ALMS1: variants seen among roughly 807,000 people sequenced by gnomAD.
The protein encoded by ALMS1 is centrosome-associated protein ALMS1.
ALMS1 carries 271 observed loss-of-function variants against 352.2 expected under a neutral mutation model. The observed-to-expected ratio is 0.77, with a 90% CI of 0.70 to 0.85. The LOEUF (loss-of-function observed/expected upper bound fraction) is 0.85. Among genes scored for constraint, ALMS1 ranks in the 40% least tolerant of loss-of-function variants. The pLI, the probability that ALMS1 is intolerant of heterozygous loss-of-function variation, is 0.00. For missense variants in ALMS1, 5,445 were observed against 4,870.7 expected, an observed-to-expected ratio of 1.12 and a Z score of -3.51; for synonymous variants, 1,865 against 1,761.2, an observed-to-expected ratio of 1.06 and a Z score of -1.48.
chr2:73,554,112 T>G (rs1463799481), intron 13 of ALMS1, among the ~76,000 whole-genome samples: 1 of 152,112 alleles, frequency 6.6e-6, no homozygotes, highest in East Asian at 1.9e-4. Context: ...ATTGTTATTT[T>G]TATTAAATCA....
At chr2:73,454,323 T>C in intron 8 of ALMS1, 2 of 985,132 alleles carry the variant, frequency 2.0e-6, no homozygotes, top group Non-Finnish European at 2.4e-6. Context: ...CCAGCCTGAG[T>C]TTACGTTCTT....
rs752454047 is a variant in ALMS1, at chr2:73,550,447, T to C, written c.10078+10T>C. On this transcript the variant is annotated intron_variant, in intron 13 of 22. Transcript: ENST00000613296. ...CAGAATGAAAATGCAGGTAACTGGA[T>C]TGGCTTTGTATACTTTGTAGCTTTT... 3.3e-5 allele frequency: 53 copies of C among 1,613,906 alleles called. No homozygotes were observed. The highest frequency in any genetic ancestry group is 4.4e-5 in the Non-Finnish European group (52 of 1,179,948).
Position 73,451,813 on chromosome 2 carries a change from A to T in ALMS1, c.5286A>T (p.Thr1762=). The change falls in exon 8 of 23, where the codon ACA becomes ACT. Residue 1762 remains threonine, a synonymous_variant. Transcript: ENST00000613296. ...STVTSSFYSH[T]EKPNISYQQE... ...TAACTTCCTCTTTCTATTCACATAC[A>T]GAGAAGCCTAATATTTCTTACCAGC... The T allele has an allele frequency of 6.2e-7, 1 of 1,614,070 alleles. No individual in the cohort carries two copies. The highest frequency in any genetic ancestry group is 8.5e-7 in the Non-Finnish European group (1 of 1,179,994).
intron 2 of ALMS1, among the ~76,000 whole-genome samples, chr2:73,414,004 T>A (rs1292221720): frequency 6.6e-6 from 1 of 152,196 alleles, no homozygotes; most frequent in African/African-American, 2.4e-5. Flanking sequence ...TTATTTCAGA[T>A]TCTTGGAATT....
intron 9 of ALMS1, among the ~76,000 whole-genome samples, chr2:73,476,584 T>G (rs780392): frequency 0.94 from 142,889 of 151,868 alleles, 67,249 homozygotes; most frequent in East Asian, 1. Flanking sequence ...TTTTTTGTTT[T>G]TTTTTTTCCT....
chr2:73,489,558 T>A, intron 9 of ALMS1, 76 bp from the exon 10 acceptor site: 1 of 1,551,016 alleles, frequency 6.4e-7, no homozygotes, highest in Non-Finnish European at 8.9e-7. Context: ...GGTATAAAAC[T>A]GATTTGTATA....
intron 16 of ALMS1, among the ~76,000 whole-genome samples, chr2:73,582,378 A>G (rs1309294954): frequency 1.3e-5 from 2 of 152,198 alleles, no homozygotes; most frequent in Non-Finnish European, 2.9e-5. Flanking sequence ...TGTGCGTGGT[A>G]AAAAACACAT....
intron 12 of ALMS1, among the ~76,000 whole-genome samples, chr2:73,548,789 T>C (rs1012265425): frequency 6.6e-6 from 1 of 152,224 alleles, no homozygotes; most frequent in African/African-American, 2.4e-5. Context: ...ACATTATTTG[T>C]TGGTCATCAG....
At position 73,534,787 on chromosome 2, in the gene ALMS1, T is replaced by G. The variant is rs187728558; in HGVS notation, c.9782-37T>G. On this transcript the variant is annotated intron_variant, in intron 11 of 22. Transcript: ENST00000613296. ...TATTTGTTCAATGAATTAACAAATGTTTTTCATATTAATTGTTCTGATTTT... is the reference window on the plus strand; with the variant it reads ...TATTTGTTCAATGAATTAACAAATGGTTTTCATATTAATTGTTCTGATTTT... The G allele has an allele frequency of 5.0e-6, 8 of 1,606,056 alleles. No individual in the cohort carries two copies. In the East Asian group the frequency reaches 1.8e-4, roughly 36 times the overall value.
intron 2 of ALMS1, among the ~76,000 whole-genome samples, chr2:73,414,643 G>A (rs1422773815): frequency 6.6e-6 from 1 of 151,666 alleles, no homozygotes; most frequent in Non-Finnish European, 1.5e-5. Flanking sequence ...TCTTAGGTAC[G>A]ATAAATAGCA....
In ALMS1 at chr2:73,548,127, G is replaced by C. The variant is rs1301918908; in HGVS notation, c.9908-2140G>C. On this transcript the variant is annotated intron_variant, in intron 12 of 22. Coordinates refer to ENST00000613296, the MANE Select transcript of ALMS1 (RefSeq NM_001378454.1). ...GAGATTCCTATTATACATCCACATAGAGATGTTGGGTCTACAATTGAATGT... is the reference window on the plus strand; with the variant it reads ...GAGATTCCTATTATACATCCACATACAGATGTTGGGTCTACAATTGAATGT... Among the ~76,000 whole-genome samples, 3 of 152,178 alleles carry C rather than the reference G, an allele frequency of 2.0e-5. 1 individual carries two copies. Among genetic ancestry groups the C allele is most frequent in the Non-Finnish European group, 4.4e-5 (3 of 68,038 alleles).
intron 9 of ALMS1, among the ~76,000 whole-genome samples, chr2:73,473,920 AAGAGAGAGAGAGAG>A (rs35028203): frequency 6.7e-6 from 1 of 148,562 alleles, no homozygotes; most frequent in African/African-American, 2.5e-5. Context: ...TCTTAGAGGG[AAGAGAGAGAGAGAG>A]AGAGAGAGAG....
intron 11 of ALMS1, among the ~76,000 whole-genome samples, chr2:73,520,634 G>A (rs1346535729): frequency 6.6e-6 from 1 of 152,174 alleles, no homozygotes; most frequent in African/African-American, 2.4e-5. Flanking sequence ...GGTCAGGTCT[G>A]GAAGTAACCC....
chr2:73,435,803 A>C (rs1671594706), intron 7 of ALMS1, among the ~76,000 whole-genome samples: 1 of 152,054 alleles, frequency 6.6e-6, no homozygotes, highest in Admixed American at 6.6e-5. Context: ...TCACTATGTT[A>C]TTAGTCTTGA....
Position 73,453,815 on chromosome 2 carries a change from A to G in ALMS1, c.7288A>G (p.Ser2430Gly), listed in dbSNP as rs539112266. 47 of 1,614,054 alleles carry G rather than the reference A, an allele frequency of 2.9e-5. No individual in the cohort carries two copies. Among genetic ancestry groups the G allele is most frequent in the Non-Finnish European group, 3.9e-5 (46 of 1,180,024 alleles). ...TGGAAATGGTTCCTGCTCGTGGGAC[A>G]GTAATTTACCAGAGTCTTTGGAATC... The part of the protein sequence containing the change: ...SDGNGSCSWD[S>G]NLPESLESVS... The change falls in exon 8 of 23, where the codon AGT becomes GGT. Residue 2430 changes from serine (S) to glycine (G), a missense_variant. Transcript: ENST00000613296.
At chr2:73,488,792 A>G (rs185434069) in intron 9 of ALMS1, among the ~76,000 whole-genome samples, 8 of 152,364 alleles carry the variant, frequency 5.3e-5, no homozygotes, top group East Asian at 1.9e-4. Flanking sequence ...CCAAGTTATA[A>G]TGACTGTATA....
chr2:73,519,749 C>T, intron 10 of ALMS1, 26 bp from the exon 11 acceptor site: 2 of 1,613,640 alleles, frequency 1.2e-6, no homozygotes, highest in Non-Finnish European at 1.7e-6. Flanking sequence ...ATATAATCTG[C>T]TGTATTCTTT....
intron 11 of ALMS1, among the ~76,000 whole-genome samples, chr2:73,527,312 C>T (rs1211317594): frequency 2.0e-5 from 3 of 151,106 alleles, no homozygotes; most frequent in African/African-American, 7.3e-5. Flanking sequence ...ATTCTCTCCT[C>T]TTCCATTTCT....
At chr2:73,594,370 A>G (rs1485911427) in intron 16 of ALMS1, among the ~76,000 whole-genome samples, 1 of 152,254 alleles carries the variant, frequency 6.6e-6, no homozygotes, top group Non-Finnish European at 1.5e-5. Context: ...AATGAAAAAG[A>G]ATTTGAAATG....
Sources: gnomAD v4.1 joint callset for allele counts (sites outside exome capture counted in the v4.1 genomes callset) on GRCh38, gnomAD v4.1.1 for gene constraint, MANE v1.5 for transcripts, NCBI Gene and HGNC (gene_info 2026-07-23, HGNC 2026-07-21) for gene names.